RHOBTB3: variants seen among roughly 807,000 people sequenced by gnomAD.
RHOBTB3 encodes the protein Rho related BTB domain containing 3.
In RHOBTB3, 47 loss-of-function variants were observed where a neutral mutation model predicts 67.2. The ratio of observed to expected loss-of-function variants is 0.70; its 90% CI spans 0.55 to 0.89. RHOBTB3 has a LOEUF of 0.89. RHOBTB3 is among the 40% of genes least tolerant of loss of function. RHOBTB3 has a pLI of 0.00. For synonymous variants in RHOBTB3, 273 were observed against 274.2 expected, an observed-to-expected ratio of 1.00 and a Z score of 0.04; for missense variants, 631 against 750.0, an observed-to-expected ratio of 0.84 and a Z score of 1.85.
chr5:95,750,855 A>AT (rs2112794318), intron 4 of RHOBTB3, among the ~76,000 whole-genome samples: 1 of 152,338 alleles, frequency 6.6e-6, no homozygotes, highest in African/African-American at 2.4e-5. Context: ...TGAGAAGAGA[A>AT]TGGGTGGTCT....
chr5:95,777,013 C>A (rs1253760669), intron 8 of RHOBTB3, among the ~76,000 whole-genome samples: 1 of 152,282 alleles, frequency 6.6e-6, no homozygotes, highest in African/African-American at 2.4e-5. Flanking sequence ...GGGATACCAT[C>A]CCCTGTAATA....
At chr5:95,780,054 G>A in intron 8 of RHOBTB3, 198 bp from the exon 9 acceptor site, 1 of 473,586 alleles carries the variant, frequency 2.1e-6, no homozygotes, top group Non-Finnish European at 3.7e-6. Context: ...TGGTTTCAAG[G>A]TCAACATCTG....
At chr5:95,783,766 C>G in intron 9 of RHOBTB3, 31 bp from the exon 10 acceptor site, 2 of 1,570,910 alleles carry the variant, frequency 1.3e-6, no homozygotes, top group Non-Finnish European at 1.7e-6. Flanking sequence ...GTTTCATCAT[C>G]CACTTTCTCT....
In RHOBTB3 at chr5:95,752,322, A is replaced by T; in HGVS notation, c.654A>T (p.Gly218=). 1 of 1,606,806 alleles carries T rather than the reference A, an allele frequency of 6.2e-7. No individual in the cohort carries two copies. Among genetic ancestry groups the T allele is most frequent in the Non-Finnish European group, 8.5e-7 (1 of 1,176,750 alleles). Residue 218 remains glycine (G), a synonymous_variant, in exon 5 of 12, where the codon GGA becomes GGT. Coordinates refer to ENST00000379982, the MANE Select transcript of RHOBTB3 (RefSeq NM_014899.4). The stretch of plus-strand genomic sequence containing the variant: ...GAAAAATGAGCAACTCCTTTCATGG[A>T]ATTAGACCACCTCAACTTGAACAAC... ...KKRKMSNSFH[G]IRPPQLEQPE...
chr5:95,783,813 C>T lies in RHOBTB3; in HGVS notation c.1473C>T (p.Ala491=), dbSNP rs1746139652. Residue 491 remains alanine (A), a synonymous_variant, in exon 10 of 12, where the codon GCC becomes GCT. Transcript: ENST00000379982. ...TCTCATCAGCTGGCATATTCCAGGC[C>T]ATGTGTCTCCTGATCTGTGCCGAGA... ...DSCCPAGIFQ[A]MCLLICAEMY... The T allele has an allele frequency of 6.2e-7, 1 of 1,610,054 alleles. No individual in the cohort carries two copies. The highest frequency in any genetic ancestry group is 2.2e-5 in the East Asian group (1 of 44,764).
At chr5:95,722,948 T>C (rs1400351299) in intron 1 of RHOBTB3, among the ~76,000 whole-genome samples, 1 of 152,250 alleles carries the variant, frequency 6.6e-6, no homozygotes, top group East Asian at 1.9e-4. Context: ...ATATTTTAAC[T>C]GTAAAACCAA....
intron 2 of RHOBTB3, 191 bp downstream of exon 2, chr5:95,732,275 C>G: frequency 1.6e-6 from 1 of 628,226 alleles, no homozygotes; most frequent in East Asian, 2.7e-5. Flanking sequence ...AGAGAACACT[C>G]TTAGGAAGAT....
At chr5:95,751,937 T>C (rs1300007216) in intron 4 of RHOBTB3, among the ~76,000 whole-genome samples, 1 of 152,220 alleles carries the variant, frequency 6.6e-6, no homozygotes, top group Admixed American at 6.5e-5. Context: ...AGTCTATCGG[T>C]GATGGACATT....
intron 7 of RHOBTB3, among the ~76,000 whole-genome samples, chr5:95,765,172 C>G (rs181414009): frequency 6.6e-6 from 1 of 152,106 alleles, no homozygotes; most frequent in Non-Finnish European, 1.5e-5. Context: ...CTCTCCCTCT[C>G]TCTCCAGTTC....
At chr5:95,748,297 T>C in intron 3 of RHOBTB3, 36 bp from the exon 4 acceptor site, 1 of 1,540,334 alleles carries the variant, frequency 6.5e-7, no homozygotes, top group African/African-American at 1.4e-5. Flanking sequence ...TCCTGTTTAA[T>C]TTCGAAACTC....
chr5:95,764,599 G>A (rs1745489301), intron 7 of RHOBTB3, among the ~76,000 whole-genome samples: 2 of 152,224 alleles, frequency 1.3e-5, no homozygotes, highest in East Asian at 1.9e-4. Context: ...GTCTGATTTT[G>A]TGATAAACAA....
At chr5:95,762,646 A>G (rs932944285) in intron 6 of RHOBTB3, among the ~76,000 whole-genome samples, 3 of 152,190 alleles carry the variant, frequency 2.0e-5, no homozygotes, top group African/African-American at 7.2e-5. Context: ...TCTATAAATC[A>G]TAGGATGGAT....
In RHOBTB3 at chr5:95,780,302, A is replaced by C; in HGVS notation, c.1333A>C (p.Met445Leu). 6.2e-7 allele frequency: 1 copy of C among 1,613,932 alleles called. No homozygotes were observed. The highest frequency in any genetic ancestry group is 8.5e-7 in the Non-Finnish European group (1 of 1,179,826). The change falls in exon 9 of 12, where the codon ATG (methionine) becomes CTG (leucine). Residue 445 changes from methionine (M) to leucine (L), a missense_variant. Physicochemically the swap from Met to Leu is conservative, Grantham distance 15. Transcript: ENST00000379982. ...CATCCTGGTGGCCCGTTGTGAAGTG[A>C]TGGCAGCCATGTTTAATGGTAATTA... ...RAILVARCEV[M>L]AAMFNGNYME...
upstream of RHOBTB3, among the ~76,000 whole-genome samples, chr5:95,730,167 C>T (rs1393525779): frequency 6.6e-6 from 1 of 151,966 alleles, no homozygotes; most frequent in Non-Finnish European, 1.5e-5. Context: ...TACTTTCAAC[C>T]GAGCAATAAG....
intron 10 of RHOBTB3, among the ~76,000 whole-genome samples, chr5:95,785,837 T>C (rs1746210060): frequency 6.6e-6 from 1 of 152,222 alleles, no homozygotes; most frequent in Non-Finnish European, 1.5e-5. Context: ...AAATTGTTTA[T>C]GTATAAGAGA....
intron 8 of RHOBTB3, among the ~76,000 whole-genome samples, chr5:95,778,158 G>T (rs1745944953): frequency 6.6e-6 from 1 of 151,646 alleles, no homozygotes; most frequent in Non-Finnish European, 1.5e-5. Flanking sequence ...AATGTCCATA[G>T]GAGATTGGTT....
At chr5:95,740,295 C>T (rs1441339385) in intron 3 of RHOBTB3, among the ~76,000 whole-genome samples, 1 of 152,136 alleles carries the variant, frequency 6.6e-6, no homozygotes, top group East Asian at 1.9e-4. Flanking sequence ...ACTAATACAA[C>T]CACTTTATGA....
chr5:95,776,900 G>A (rs535538159), intron 8 of RHOBTB3, among the ~76,000 whole-genome samples: 46 of 152,258 alleles, frequency 3.0e-4, no homozygotes, highest in Admixed American at 4.6e-4. Flanking sequence ...CTGGTGGATC[G>A]CTGTACTTTT....
intron 3 of RHOBTB3, among the ~76,000 whole-genome samples, chr5:95,745,649 A>T (rs1452710166): frequency 5.4e-5 from 8 of 147,404 alleles, no homozygotes; most frequent in South Asian, 2.1e-4. Flanking sequence ...GCTTGCTTTT[A>T]AAAAAAAATA....
Sources: allele counts gnomAD v4.1 joint callset (sites outside exome capture counted in the v4.1 genomes callset), GRCh38; gene constraint gnomAD v4.1.1; transcripts MANE v1.5; gene names NCBI Gene and HGNC (gene_info 2026-07-23, HGNC 2026-07-21).